The following DACH1 variants were observed in gnomAD, a reference collection of about 807,000 sequenced individuals.
DACH1 encodes the protein dachshund homolog 1.
DACH1 carries 12 observed loss-of-function variants against 54.2 expected under a neutral mutation model. The observed-to-expected ratio is 0.22, with a 90% confidence interval of 0.14 to 0.36. The LOEUF (loss-of-function observed/expected upper bound fraction) is 0.36, where lower values mean the gene tolerates loss of function less well. DACH1 is among the 10% of genes least tolerant of loss of function. DACH1 has a pLI of 1.00. For synonymous variants in DACH1, 386 were observed against 366.2 expected (o/e 1.05, Z -0.62); for missense variants, 805 against 929.8 (o/e 0.87, Z 1.75).
intron 1 of DACH1, among the ~76,000 whole-genome samples, chr13:71,785,904 T>C (rs1239112859): frequency 1.3e-5 from 2 of 152,306 alleles, no homozygotes; most frequent in East Asian, 3.9e-4. Flanking sequence ...CCACTGCTAT[T>C]CTTGGACAGG....
At chr13:71,573,099 A>G (rs909678037) in intron 3 of DACH1, 87 bp from the exon 4 acceptor site, 1 of 1,321,032 alleles carries the variant, frequency 7.6e-7, no homozygotes, top group African/African-American at 1.5e-5. Flanking sequence ...TAATAATGGT[A>G]GTCAAAGAAA....
chr13:71,626,353 A>C (rs1876645013), intron 3 of DACH1, among the ~76,000 whole-genome samples: 1 of 151,996 alleles, frequency 6.6e-6, no homozygotes, highest in Admixed American at 6.6e-5. Flanking sequence ...TATTCTCAAA[A>C]GTGTGCATAA....
At position 71,852,100 on chromosome 13, in the gene DACH1, T is replaced by C. The variant is rs148711137; in HGVS notation, c.848+13822A>G. Among the ~76,000 whole-genome samples the C allele has an allele frequency of 4.4e-3, 676 of 152,316 alleles. 1 individual carries two copies. Among genetic ancestry groups the C allele is most frequent in the Non-Finnish European group, 7.2e-3 (487 of 68,032 alleles). ...TTCTAATCACTGTTGAAATCACTGA[T>C]AGTACTGTCTGTCCACACTATGACA... On this transcript the variant is annotated intron_variant, in intron 1 of 10. Transcript: ENST00000613252.
At chr13:71,477,104 A>ATATAT (rs1566282945) in intron 8 of DACH1, among the ~76,000 whole-genome samples, 10 of 43,254 alleles carry the variant, frequency 2.3e-4, no homozygotes, top group African/African-American at 8.6e-4. Context: ...ATATATATAT[A>ATATAT]TTTTTTTTTT....
intron 1 of DACH1, among the ~76,000 whole-genome samples, chr13:71,687,257 A>G (rs1021260719): frequency 1.3e-5 from 2 of 152,142 alleles, no homozygotes; most frequent in Middle Eastern, 3.2e-3. Flanking sequence ...ACACATATAA[A>G]TAATTTATTT....
At chr13:71,848,878 C>T (rs531681272) in intron 1 of DACH1, among the ~76,000 whole-genome samples, 2 of 152,244 alleles carry the variant, frequency 1.3e-5, no homozygotes, top group Admixed American at 1.3e-4. Flanking sequence ...TTTCAAATAA[C>T]TAATCGCATT....
chr13:71,483,534 T>C (rs913999926), intron 7 of DACH1, among the ~76,000 whole-genome samples: 1 of 147,184 alleles, frequency 6.8e-6, no homozygotes, highest in African/African-American at 2.5e-5. Context: ...ATTACAATAA[T>C]TTTTATAATT....
chr13:71,511,780 T>C (rs977586126), intron 6 of DACH1, among the ~76,000 whole-genome samples: 2 of 152,028 alleles, frequency 1.3e-5, no homozygotes, highest in South Asian at 2.1e-4. Flanking sequence ...ATATGCCACT[T>C]AGCCTTTAAC....
At chr13:71,572,794 GGCT>G in intron 4 of DACH1, 43 bp downstream of exon 4, 1 of 1,567,642 alleles carries the variant, frequency 6.4e-7, no homozygotes, top group Non-Finnish European at 8.7e-7. Context: ...AAGGGATGGT[GGCT>G]TAAGATGAAC....
At chr13:71,485,888 A>T (rs1878462080) in intron 7 of DACH1, among the ~76,000 whole-genome samples, 1 of 151,676 alleles carries the variant, frequency 6.6e-6, no homozygotes, top group South Asian at 2.1e-4. Context: ...GCTAACTTTT[A>T]ATTTCTATAA....
At chr13:71,500,560 G>C (rs188191839) in intron 6 of DACH1, among the ~76,000 whole-genome samples, 44 of 152,162 alleles carry the variant, frequency 2.9e-4, no homozygotes, top group Admixed American at 9.2e-4. Context: ...AATGTAAGAG[G>C]CCTTTGGAAA....
intron 2 of DACH1, among the ~76,000 whole-genome samples, chr13:71,672,784 A>T (rs150870640): frequency 5.3e-5 from 8 of 152,196 alleles, no homozygotes; most frequent in African/African-American, 1.7e-4. Flanking sequence ...GCACATCCAC[A>T]ATGTAACCAA....
intron 7 of DACH1, among the ~76,000 whole-genome samples, chr13:71,482,329 T>C (rs1462142058): frequency 6.6e-6 from 1 of 152,150 alleles, no homozygotes; most frequent in African/African-American, 2.4e-5. Flanking sequence ...CTTCAAATAA[T>C]ACTGCTAAGA....
At chr13:71,494,008 T>C (rs2138214819) in intron 6 of DACH1, among the ~76,000 whole-genome samples, 1 of 152,242 alleles carries the variant, frequency 6.6e-6, no homozygotes, top group Non-Finnish European at 1.5e-5. Context: ...CACAGTTCAG[T>C]CACCTATAAG....
intron 6 of DACH1, among the ~76,000 whole-genome samples, chr13:71,541,976 G>A (rs1040621987): frequency 1.5e-4 from 20 of 135,996 alleles, no homozygotes; most frequent in African/African-American, 4.4e-4. Flanking sequence ...GGCCGGGTAC[G>A]ATGGCTCACT....
intron 1 of DACH1, among the ~76,000 whole-genome samples, chr13:71,756,295 G>A (rs1331191969): frequency 6.6e-6 from 1 of 151,426 alleles, no homozygotes; most frequent in East Asian, 1.9e-4. Flanking sequence ...TGCCCGCCTT[G>A]GCCTCCCAAA....
intron 10 of DACH1, among the ~76,000 whole-genome samples, chr13:71,463,325 T>A (rs1344407786): frequency 6.6e-6 from 1 of 151,968 alleles, no homozygotes; most frequent in Non-Finnish European, 1.5e-5. Flanking sequence ...AAATGCAAGC[T>A]AATGAAAATG....
intron 1 of DACH1, among the ~76,000 whole-genome samples, chr13:71,699,247 A>C (rs542043768): frequency 6.6e-6 from 1 of 152,168 alleles, no homozygotes; most frequent in South Asian, 2.1e-4. Flanking sequence ...CTATGTCAAA[A>C]ACTTCTTAAA....
intron 6 of DACH1, among the ~76,000 whole-genome samples, chr13:71,498,838 T>C (rs962423539): frequency 5.9e-5 from 9 of 152,110 alleles, no homozygotes; most frequent in Non-Finnish European, 1.5e-5. Context: ...TCTATTATTA[T>C]GCTCAAAAAA....
Sources: allele counts gnomAD v4.1 joint callset (sites outside exome capture counted in the v4.1 genomes callset), GRCh38; gene constraint gnomAD v4.1.1; transcripts MANE v1.5; gene names NCBI Gene and HGNC (gene_info 2026-07-23, HGNC 2026-07-21).